The following IL1RAPL2 variants were observed in gnomAD, a reference collection of about 807,000 sequenced individuals.
IL1RAPL2 encodes the protein X-linked interleukin-1 receptor accessory protein-like 2.
IL1RAPL2 carries 3 observed loss-of-function variants against 44.1 expected under a neutral mutation model. That is an observed-to-expected ratio of 0.07 (90% CI 0.03 to 0.18). The LOEUF (loss-of-function observed/expected upper bound fraction) is 0.18, where lower values mean the gene tolerates loss of function less well. Ranked by LOEUF, IL1RAPL2 falls within the 10% of genes least tolerant of loss-of-function variation. The pLI is 1.00. For missense variants in IL1RAPL2, 391 were observed against 496.4 expected (o/e 0.79, Z 2.02); for synonymous variants, 181 against 178.8 (o/e 1.01, Z -0.10).
intron 6 of IL1RAPL2, among the ~76,000 whole-genome samples, chrX:105,577,319 T>C (rs1169978783): frequency 9.0e-6 from 1 of 111,455 alleles, no homozygotes; most frequent in African/African-American, 3.3e-5. Context: ...GTTGGAGCAA[T>C]TTGTAAAAGG....
intron 6 of IL1RAPL2, among the ~76,000 whole-genome samples, chrX:105,525,357 TA>T (rs1191920874): frequency 1.2e-4 from 13 of 107,936 alleles, no homozygotes; most frequent in South Asian, 3.9e-4. Flanking sequence ...TCTGAATTGG[TA>T]AAAAAAAAAT....
At chrX:105,108,561 A>C (rs1175186738) in intron 2 of IL1RAPL2, among the ~76,000 whole-genome samples, 1 of 97,648 alleles carries the variant, frequency 1.0e-5, no homozygotes, top group Non-Finnish European at 2.0e-5. Context: ...GGCTGGTCTC[A>C]AATTCCTGAC....
chrX:104,846,069 T>G (rs1255921617), intron 2 of IL1RAPL2, among the ~76,000 whole-genome samples: 1 of 111,875 alleles, frequency 8.9e-6, no homozygotes, highest in East Asian at 2.8e-4. Flanking sequence ...CTCAAAGTAT[T>G]GGGCCGATAT....
At chrX:104,811,997 T>C (rs766606259) in intron 2 of IL1RAPL2, among the ~76,000 whole-genome samples, 1 of 110,785 alleles carries the variant, frequency 9.0e-6, no homozygotes, top group African/African-American at 3.3e-5. Flanking sequence ...TTGTCTCCCA[T>C]AGGTTAATGA....
intron 7 of IL1RAPL2, among the ~76,000 whole-genome samples, chrX:105,731,532 T>C (rs1354618783): frequency 2.7e-5 from 3 of 111,428 alleles, no homozygotes; most frequent in Non-Finnish European, 3.8e-5. Flanking sequence ...TGAAGCACTA[T>C]TGACAATAGC....
At chrX:104,733,648 G>GTAA (rs1165710519) in intron 2 of IL1RAPL2, among the ~76,000 whole-genome samples, 1 of 63,350 alleles carries the variant, frequency 1.6e-5, no homozygotes, top group East Asian at 4.7e-4. Flanking sequence ...AATAATAATA[G>GTAA]TAATAATAAT....
chrX:105,353,633 G>C (rs1330690800), intron 5 of IL1RAPL2, among the ~76,000 whole-genome samples: 7 of 111,276 alleles, frequency 6.3e-5, no homozygotes, highest in South Asian at 3.8e-4. Context: ...GGATCTCCTT[G>C]AAGAGGTCCT....
chrX:105,218,892 A>G lies in IL1RAPL2; in HGVS notation c.357-14926A>G, dbSNP rs1010177852. On this transcript the variant is annotated intron_variant, in intron 3 of 10. Transcript: ENST00000372582. ...CCCTACCACCCCGGCCCCCGCCACCACAAGCCTGCCCTCTGAAAATTAATT... is the reference window on the plus strand; with the variant it reads ...CCCTACCACCCCGGCCCCCGCCACCGCAAGCCTGCCCTCTGAAAATTAATT... 6.3e-6 allele frequency: 5 copies of G among 798,914 alleles called. No homozygotes were observed. In the Admixed American group the frequency reaches 1.2e-4, roughly 19 times the overall value. 65.8% of individuals were successfully genotyped at this position (798,914 alleles called of 1,213,427 possible). A position where few individuals can be genotyped will look rare whatever the true frequency, so the allele number is the denominator to read the frequency against.
chrX:104,752,293 G>A (rs1018214415), intron 2 of IL1RAPL2, among the ~76,000 whole-genome samples: 2 of 110,402 alleles, frequency 1.8e-5, no homozygotes, highest in African/African-American at 6.6e-5. Flanking sequence ...GTGTGTGTGT[G>A]TGTGTGTGAG....
chrX:104,924,295 G>A (rs1385946402), intron 2 of IL1RAPL2, among the ~76,000 whole-genome samples: 1 of 111,414 alleles, frequency 9.0e-6, no homozygotes, highest in Non-Finnish European at 1.9e-5. Context: ...GTCTAGCATT[G>A]TCAGGAAAGT....
chrX:104,612,998 C>T (rs925314192), intron 1 of IL1RAPL2, among the ~76,000 whole-genome samples: 2 of 111,406 alleles, frequency 1.8e-5, no homozygotes, highest in African/African-American at 3.3e-5. Flanking sequence ...TATAGAAATG[C>T]TACTTATTTT....
At chrX:104,864,847 C>T (rs1416426263) in intron 2 of IL1RAPL2, among the ~76,000 whole-genome samples, 1 of 99,835 alleles carries the variant, frequency 1.0e-5, no homozygotes, top group Non-Finnish European at 2.0e-5. Flanking sequence ...TTGTGGACTA[C>T]TGGACACTGG....
intron 2 of IL1RAPL2, among the ~76,000 whole-genome samples, chrX:105,146,519 C>A (rs1180035841): frequency 9.0e-6 from 1 of 111,611 alleles, no homozygotes; most frequent in African/African-American, 3.3e-5. Flanking sequence ...CCCTTTCTGG[C>A]TTTCTAGTAA....
intron 1 of IL1RAPL2, among the ~76,000 whole-genome samples, chrX:104,570,390 A>G (rs1393428348): frequency 3.6e-5 from 4 of 112,170 alleles, no homozygotes; most frequent in African/African-American, 1.3e-4. Flanking sequence ...TGCCAAAATA[A>G]AATGTGTCTG....
At chrX:105,049,463 C>A (rs1373021648) in intron 2 of IL1RAPL2, among the ~76,000 whole-genome samples, 5 of 111,082 alleles carry the variant, frequency 4.5e-5, no homozygotes, top group Non-Finnish European at 7.5e-5. Flanking sequence ...AATGGCAAGG[C>A]CTGTTCAGTG....
chrX:104,793,274 A>G (rs2147609005), intron 2 of IL1RAPL2, among the ~76,000 whole-genome samples: 2 of 112,327 alleles, frequency 1.8e-5, no homozygotes, highest in Admixed American at 1.9e-4. Context: ...TGAGAGGCTG[A>G]GAATCTGCTT....
chrX:105,564,492 G>A (rs907065812), intron 6 of IL1RAPL2, among the ~76,000 whole-genome samples: 2 of 112,142 alleles, frequency 1.8e-5, no homozygotes, highest in Admixed American at 9.5e-5. Context: ...GTATTTGAAG[G>A]CTAGCATGTA....
At chrX:104,927,224 T>C (rs1924794486) in intron 2 of IL1RAPL2, among the ~76,000 whole-genome samples, 1 of 111,620 alleles carries the variant, frequency 9.0e-6, no homozygotes, top group Admixed American at 9.5e-5. Flanking sequence ...TCTCTTACAA[T>C]TTAAATCTAA....
At chrX:105,161,886 T>C (rs188187979) in intron 2 of IL1RAPL2, among the ~76,000 whole-genome samples, 101 of 112,074 alleles carry the variant, frequency 9.0e-4, no homozygotes, top group Admixed American at 3.1e-3. Flanking sequence ...CTTTTCCTCA[T>C]GATGTGGCTT....
Sources: allele counts gnomAD v4.1 joint callset (sites outside exome capture counted in the v4.1 genomes callset), GRCh38; gene constraint gnomAD v4.1.1; transcripts MANE v1.5; gene names NCBI Gene and HGNC (gene_info 2026-07-23, HGNC 2026-07-21).